Variants in IL17RC observed in about 807,000 individuals in gnomAD.
IL17RC encodes the protein interleukin-17 receptor C.
IL17RC carries 53 observed loss-of-function variants against 86.7 expected under a neutral mutation model. The ratio of observed to expected loss-of-function variants is 0.61; its 90% CI spans 0.49 to 0.77. IL17RC has a LOEUF of 0.77. IL17RC is among the 30% of genes least tolerant of loss of function. The pLI, the probability that IL17RC is intolerant of heterozygous loss-of-function variation, is 0.00. For synonymous variants in IL17RC, 439 were observed against 413.1 expected (o/e 1.06, Z -0.76); for missense variants, 957 against 940.0 (o/e 1.02, Z -0.24).
chr3:9,918,693 A>C, intron 5 of IL17RC, 84 bp downstream of exon 5: 4 of 952,386 alleles, frequency 4.2e-6, no homozygotes, highest in Non-Finnish European at 5.0e-6. Flanking sequence ...GGATTACAAA[A>C]GAATTAAATT....
rs529858962 is a variant in IL17RC at position 9,920,659 on chromosome 3, C to T, written c.577+57C>T. The T allele has an allele frequency of 9.8e-5, 116 of 1,177,926 alleles. 3 individuals carry two copies. In the South Asian group the frequency reaches 1.5e-3, roughly 15 times the overall value. 73.0% of individuals were successfully genotyped at this position (1,177,926 alleles called of 1,614,324 possible). ...CCTCTGTCCCCTCTGGCCATTCCCC[C>T]TCCTGATTTCACCCTCTTCTAGCTC... On this transcript the variant is annotated intron_variant, in intron 6 of 18. Coordinates refer to ENST00000403601, the MANE Select transcript of IL17RC (RefSeq NM_153460.4).
chr3:9,923,918 C>G lies in IL17RC; in HGVS notation c.660C>G (p.Asn220Lys). The change falls in exon 8 of 19, where the codon AAC becomes AAG. Residue 220 changes from asparagine to lysine, a missense_variant. Coordinates refer to ENST00000403601, the MANE Select transcript of IL17RC (RefSeq NM_153460.4). ...PWLNVSADGD[N>K]VHLVLNVSEE... ...TCAACGTGTCAGCAGATGGTGACAA[C>G]GTGCATCTGGTTCTGAATGTCTCTG... 1 of 1,614,168 alleles carries G rather than the reference C, an allele frequency of 6.2e-7. No individual in the cohort carries two copies. Among genetic ancestry groups the G allele is most frequent in the Non-Finnish European group, 8.5e-7 (1 of 1,180,036 alleles).
intron 7 of IL17RC, among the ~76,000 whole-genome samples, chr3:9,922,800 G>A (rs1409479498): frequency 2.2e-4 from 34 of 152,116 alleles, no homozygotes; most frequent in Non-Finnish European, 1.8e-4. Flanking sequence ...AAGAGGTGAG[G>A]GAGGAGCCAT....
At position 9,917,272 on chromosome 3, in the gene IL17RC, G is replaced by A. The variant is rs762273875; in HGVS notation, c.-44G>A. On this transcript the variant is annotated 5_prime_UTR_variant, in exon 1 of 19. Coordinates refer to ENST00000403601, the MANE Select transcript of IL17RC (RefSeq NM_153460.4). ...GGGTGTCTGCCCCCCTTGGGGGGGG[G>A]CAGCACAGGGCCTCAGGCCTGGGTG... 2 of 1,521,748 alleles carry A rather than the reference G, an allele frequency of 1.3e-6. No individual in the cohort carries two copies. The highest frequency in any genetic ancestry group is 1.2e-5 in the South Asian group (1 of 83,596). The allele number at this position is 1,521,748 out of a possible 1,614,324, so 94.3% of individuals were successfully genotyped here. A position where few individuals can be genotyped will look rare whatever the true frequency, so the allele number is the denominator to read the frequency against.
At position 9,930,515 on chromosome 3, in the gene IL17RC, C is replaced by T. The variant is rs1037545081; in HGVS notation, c.1338+56C>T. 3.3e-5 allele frequency: 50 copies of T among 1,521,020 alleles called. No homozygotes were observed. The African/African-American group carries it at 3.6e-4, about 11-fold the overall frequency. 94.2% of individuals were successfully genotyped at this position (1,521,020 alleles called of 1,614,324 possible). ...ATGCCTAGGGGCAACAGGCCTAAAA[C>T]TAGCACTCACCTACTGTCTATTTAG... On this transcript the variant is annotated intron_variant, in intron 15 of 18. Transcript: ENST00000403601. The surrounding 1 kb of genome is among the most constrained non-coding windows in gnomAD (Gnocchi z 5.8).
Position 9,930,225 on chromosome 3 carries a change from C to T in IL17RC, c.1278+76C>T, listed in dbSNP as rs75090507. ...TCTGGCCTCAAATTTTCACTCCATCCACCCTGTGCCGGTCTCTGGGAACAT... is the reference window on the plus strand; with the variant it reads ...TCTGGCCTCAAATTTTCACTCCATCTACCCTGTGCCGGTCTCTGGGAACAT... On this transcript the variant is annotated intron_variant, in intron 14 of 18. Transcript: ENST00000403601. This position sits in a 1 kb window ranked among gnomAD's most constrained non-coding sequence, Gnocchi z 5.8. 724 of 1,587,442 alleles carry T rather than the reference C, an allele frequency of 4.6e-4. 6 individuals are homozygous for T. In the East Asian group the frequency reaches 0.015, roughly 33 times the overall value.
intron 17 of IL17RC, 54 bp from the exon 18 acceptor site, chr3:9,932,766 G>A (rs1198995186): frequency 2.5e-6 from 4 of 1,595,118 alleles, no homozygotes; most frequent in African/African-American, 2.7e-5. Context: ...GGAGTTCTCC[G>A]AGGGAAAGCG....
chr3:9,933,398 C>T lies in IL17RC; in HGVS notation c.1968C>T (p.Pro656=). 6.2e-7 allele frequency: 1 copy of T among 1,613,244 alleles called. No homozygotes were observed. Among genetic ancestry groups the T allele is most frequent in the Non-Finnish European group, 8.5e-7 (1 of 1,179,770 alleles). The change falls in exon 19 of 19, where the codon CCC becomes CCT. Residue 656 remains proline (P), a synonymous_variant. Transcript: ENST00000403601. Reference sequence around the variant, plus strand: ...GCACCGTGCCCGTCTTCACACTGCCCTCCCAACTGCCAGACTTCCTGGGGG... The same window carrying T: ...GCACCGTGCCCGTCTTCACACTGCCTTCCCAACTGCCAGACTTCCTGGGGG... ...LFRTVPVFTL[P]SQLPDFLGAL...
rs956164314 is a variant in IL17RC at position 9,932,470 on chromosome 3, C to A, written c.1388-138C>A. ...CTTGATGTCCTGACCTCGTGATCTG[C>A]CCGCCTCGGCCTCCCGAAGTGCTGG... On this transcript the variant is annotated intron_variant, in intron 16 of 18. Transcript: ENST00000403601. 4.8e-5 allele frequency: 38 copies of A among 793,978 alleles called. No homozygotes were observed. The African/African-American group carries it at 5.9e-4, about 12-fold the overall frequency. The allele number at this position is 793,978 out of a possible 1,614,324, so 49.2% of individuals were successfully genotyped here. A position where few individuals can be genotyped will look rare whatever the true frequency, so the allele number is the denominator to read the frequency against.
chr3:9,931,499 A>G (rs1210758477), intron 16 of IL17RC, among the ~76,000 whole-genome samples: 10 of 120,038 alleles, frequency 8.3e-5, no homozygotes. Flanking sequence ...ATATATATAT[A>G]TATACTTATT....
At chr3:9,922,218 TG>T (rs1399104545) in intron 7 of IL17RC, among the ~76,000 whole-genome samples, 1 of 152,202 alleles carries the variant, frequency 6.6e-6, no homozygotes, top group Non-Finnish European at 1.5e-5. Flanking sequence ...CCCAAAGTGC[TG>T]GGATTACAGG....
chr3:9,920,818 G>A (rs1044443477), intron 6 of IL17RC, 107 bp from the exon 7 acceptor site: 4 of 864,798 alleles, frequency 4.6e-6, no homozygotes, highest in Non-Finnish European at 7.3e-6. Context: ...TGGGTGGTAT[G>A]TAGGGGATGG....
At chr3:9,926,976 T>C (rs2084143550) in intron 9 of IL17RC, among the ~76,000 whole-genome samples, 1 of 152,158 alleles carries the variant, frequency 6.6e-6, no homozygotes, top group Admixed American at 6.6e-5. Flanking sequence ...AATGAGTGAA[T>C]AAATGTTACT....
rs1225874954 is a variant in IL17RC, at chr3:9,917,445, G to A, written c.105+25G>A. On this transcript the variant is annotated intron_variant, in intron 1 of 18. Coordinates refer to ENST00000403601, the MANE Select transcript of IL17RC (RefSeq NM_153460.4). Reference sequence around the variant, plus strand: ...GGTGAGTCTGGAACCCTGGGGAGACGAGGAAAGGCTCAGGGTTCAGTTTTT... The same window carrying A: ...GGTGAGTCTGGAACCCTGGGGAGACAAGGAAAGGCTCAGGGTTCAGTTTTT... 6 of 1,614,172 alleles carry A rather than the reference G, an allele frequency of 3.7e-6. No homozygotes were observed. Among genetic ancestry groups the A allele is most frequent in the East Asian group, 2.2e-5 (1 of 44,872 alleles).
Position 9,918,127 on chromosome 3 carries a change from G to T in IL17RC, c.280+52G>T, listed in dbSNP as rs760962786. 39 of 1,533,206 alleles carry T rather than the reference G, an allele frequency of 2.5e-5. 1 individual carries two copies. The South Asian group carries it at 4.6e-4, about 18-fold the overall frequency. The allele number at this position is 1,533,206 out of a possible 1,614,324, so 95.0% of individuals were successfully genotyped here. On this transcript the variant is annotated intron_variant, in intron 3 of 18. Coordinates refer to ENST00000403601, the MANE Select transcript of IL17RC (RefSeq NM_153460.4). ...ATGTGTACACGTGAGTGTGTCTGGG[G>T]TGGGCATGAGGGCCAGGGGATCTCT...
rs1575585209 is a variant in IL17RC at position 9,928,423 on chromosome 3, T to C, written c.996T>C (p.Ala332=). The C allele has an allele frequency of 2.5e-6, 4 of 1,606,870 alleles. No individual in the cohort carries two copies. The highest frequency in any genetic ancestry group is 3.4e-6 in the Non-Finnish European group (4 of 1,178,836). The change falls in exon 11 of 19, where the codon GCT becomes GCC. Residue 332 remains alanine, a synonymous_variant. Transcript: ENST00000403601. ...LPAEAALCWR[A]PGGDPCQPLV... is the part of the protein sequence containing the mutation. ...CAGAAGCGGCACTGTGCTGGCGGGC[T>C]CCGGGTGGGGACCCCTGCCAGCCAC...
chr3:9,920,649 G>C (rs1332957462), intron 6 of IL17RC, 47 bp downstream of exon 6: 1 of 1,280,814 alleles, frequency 7.8e-7, no homozygotes, highest in Non-Finnish European at 1.1e-6. Context: ...GTCCCCTCTG[G>C]CCATTCCCCC....
rs147254895 is a variant in IL17RC at position 9,930,918 on chromosome 3, G to A, written c.1362G>A (p.Ala454=). The change falls in exon 16 of 19, where the codon GCG becomes GCA. Residue 454 remains alanine (A), a synonymous_variant. Transcript: ENST00000403601. This position sits in a 1 kb window ranked among gnomAD's most constrained non-coding sequence, Gnocchi z 5.8. ...AGCTATGGGACGATGACTTGGGAGC[G>A]CTATGGGCCTGCCCCATGGACAAAT... ...CLQLWDDDLG[A]LWACPMDKYI... 1,403 of 1,614,064 alleles carry A rather than the reference G, an allele frequency of 8.7e-4. 6 individuals carry two copies. Among genetic ancestry groups the A allele is most frequent in the South Asian group, 4.3e-3 (388 of 91,076 alleles).
Position 9,920,952 on chromosome 3 carries a change from G to C in IL17RC, c.605G>C (p.Ser202Thr), listed in dbSNP as rs751616762. 1 of 1,598,466 alleles carries C rather than the reference G, an allele frequency of 6.3e-7. No homozygotes were observed. The highest frequency in any genetic ancestry group is 2.2e-5 in the East Asian group (1 of 44,676). Residue 202 changes from serine (S) to threonine (T), a missense_variant, in exon 7 of 19, where the codon AGC becomes ACC. Coordinates refer to ENST00000403601, the MANE Select transcript of IL17RC (RefSeq NM_153460.4). ...PDCRGLEVWNSIPSCWALPWL... is the reference protein window; with the variant it reads ...PDCRGLEVWNTIPSCWALPWL... ...TGCAGGGGGCTCGAAGTCTGGAACA[G>C]CATCCCGAGCTGCTGGGGTAGGGGC...
Sources: gnomAD v4.1 joint callset for allele counts (sites outside exome capture counted in the v4.1 genomes callset) on GRCh38, gnomAD v4.1.1 for gene constraint, Gnocchi (gnomAD v3.1) non-coding constraint, MANE v1.5 for transcripts, NCBI Gene and HGNC (gene_info 2026-07-23, HGNC 2026-07-21) for gene names.